KLF16: variants seen among roughly 807,000 people sequenced by gnomAD.
KLF16 encodes KLF transcription factor 16.
Under a neutral mutation model 6.1 loss-of-function variants are expected in KLF16, and 6 were observed. That is an observed-to-expected ratio of 0.98 (90% CI 0.54 to 1.93). The LOEUF (loss-of-function observed/expected upper bound fraction) is 1.93. KLF16 is among the 30% of genes most tolerant of loss of function. KLF16 has a pLI of 0.01. For missense variants in KLF16, 355 were observed against 363.8 expected (o/e 0.98, Z 0.20); for synonymous variants, 211 against 176.5 (o/e 1.20, Z -1.55).
intron 1 of KLF16, among the ~76,000 whole-genome samples, chr19:1,855,509 C>T (rs528669230): frequency 1.3e-5 from 2 of 152,136 alleles, no homozygotes; most frequent in African/African-American, 2.4e-5. Context: ...TGGGCAGGGG[C>T]GGGCCACCAC....
chr19:1,867,717 T>A (rs1049871996), upstream of KLF16, among the ~76,000 whole-genome samples: 4 of 149,942 alleles, frequency 2.7e-5, no homozygotes, highest in Admixed American at 1.3e-4. Flanking sequence ...AGTACAAAAA[T>A]TAGCCAGGTG....
rs1358332640 is a variant in KLF16 at position 1,863,523 on chromosome 19, GGGCGGAGCGGA to G, written c.-37_-27del. 1.3e-5 allele frequency: 13 copies of G among 979,572 alleles called. No individual in the cohort carries two copies. In the South Asian group the frequency reaches 1.8e-4, roughly 13 times the overall value. 60.7% of individuals were successfully genotyped at this position (979,572 alleles called of 1,614,324 possible). On this transcript the variant is annotated 5_prime_UTR_variant, in exon 1 of 2. Coordinates refer to ENST00000250916, the MANE Select transcript of KLF16 (RefSeq NM_031918.4). Reference sequence around the variant, plus strand: ...GCCGAGCAAGGGCGCGCGGCGCGGCGGGCGGAGCGGAGGCGGCGGGAGCGGCGTCCGTCCGG... The same window carrying G: ...GCCGAGCAAGGGCGCGCGGCGCGGCGGGCGGCGGGAGCGGCGTCCGTCCGG...
chr19:1,868,458 G>C (rs2012221600), upstream of KLF16, among the ~76,000 whole-genome samples: 1 of 131,434 alleles, frequency 7.6e-6, no homozygotes, highest in Non-Finnish European at 1.6e-5. Context: ...ACCCAGATTA[G>C]GGCTTTTTTT....
chr19:1,854,275 AGC>A lies in KLF16; in HGVS notation c.*182_*183del. 1 of 610,324 alleles carries A rather than the reference AGC, an allele frequency of 1.6e-6. No individual in the cohort carries two copies. Among genetic ancestry groups the A allele is most frequent in the South Asian group, 3.8e-5 (1 of 26,092 alleles). 37.8% of individuals were successfully genotyped at this position (610,324 alleles called of 1,614,324 possible). A position where few individuals can be genotyped will look rare whatever the true frequency, so the allele number is the denominator to read the frequency against. The stretch of plus-strand genomic sequence containing the variant: ...ACAAGCCCCCGTCACCCATCCTGAG[AGC>A]CACCTCTGAGGTCAGGCAGACCCAG... On this transcript the variant is annotated 3_prime_UTR_variant, in exon 2 of 2. Transcript: ENST00000250916.
In KLF16 at chr19:1,852,413, G is replaced by A. The variant is rs1390088711; in HGVS notation, c.*2046C>T. ...ACACGCTGGAGTAGGGTTTAAAAAG[G>A]GGCTTGTTTAATTAATTAAATACAA... On this transcript the variant is annotated 3_prime_UTR_variant, in exon 2 of 2. Coordinates refer to ENST00000250916, the MANE Select transcript of KLF16 (RefSeq NM_031918.4). 1.3e-5 allele frequency: 2 copies of A among 152,116 alleles called. No homozygotes were observed. The highest frequency in any genetic ancestry group is 1.9e-4 in the East Asian group (1 of 5,190). The allele number at this position is 152,116 out of a possible 1,614,324, so 9.4% of individuals were successfully genotyped here.
upstream of KLF16, among the ~76,000 whole-genome samples, chr19:1,867,741 C>A (rs995462049): frequency 6.6e-6 from 1 of 152,128 alleles, no homozygotes; most frequent in Admixed American, 6.5e-5. Context: ...TGGGGGGCCG[C>A]CTGTAATCCC....
chr19:1,863,045 G>C lies in KLF16; in HGVS notation c.453C>G (p.His151Gln). 7.2e-7 allele frequency: 1 copy of C among 1,395,604 alleles called. No homozygotes were observed. Among genetic ancestry groups the C allele is most frequent in the Non-Finnish European group, 9.5e-7 (1 of 1,055,434 alleles). 86.5% of individuals were successfully genotyped at this position (1,395,604 alleles called of 1,614,324 possible). ...CGGGATCGCGGCTGCACTCACCTGT[G>C]TGCGTCCGCAGGTGCGACTTTAGGT... is the stretch of plus-strand genomic sequence containing the variant. ...SSHLKSHLRT[H>Q]TGERPFACDW... The change falls in exon 1 of 2, where the codon CAC becomes CAG. Residue 151 changes from histidine (H) to glutamine (Q), a missense_variant. Physicochemically the swap from His to Gln is conservative, Grantham distance 24. Transcript: ENST00000250916.
Position 1,854,776 on chromosome 19 carries a change from GAGAC to G in KLF16, c.458-20_458-17del, listed in dbSNP as rs2011913711. On this transcript the variant is annotated splice_polypyrimidine_tract_variant and intron_variant, in intron 1 of 1. Coordinates refer to ENST00000250916, the MANE Select transcript of KLF16 (RefSeq NM_031918.4). ...GGGCGTTCCCCTGGACGGAGAGACA[GAGAC>G]AGACAGCGGGTCAGCGGGGGCGGGG... is the stretch of plus-strand genomic sequence containing the variant. The G allele has an allele frequency of 2.5e-6, 4 of 1,597,020 alleles. No individual in the cohort carries two copies. In the African/African-American group the frequency reaches 5.4e-5, roughly 21 times the overall value.
At chr19:1,864,229 G>C (rs1035450488), upstream of KLF16, among the ~76,000 whole-genome samples, 2 of 151,620 alleles carry the variant, frequency 1.3e-5, no homozygotes, top group African/African-American at 2.4e-5. Flanking sequence ...ACGTGGCCGG[G>C]GTTGGAGGGG....
In KLF16 at chr19:1,863,070, T is replaced by C; in HGVS notation, c.428A>G (p.His143Arg). The C allele has an allele frequency of 7.1e-7, 1 of 1,413,118 alleles. No individual in the cohort carries two copies. The highest frequency in any genetic ancestry group is 9.4e-7 in the Non-Finnish European group (1 of 1,065,290). The allele number at this position is 1,413,118 out of a possible 1,614,324, so 87.5% of individuals were successfully genotyped here. ...GTGCGTCCGCAGGTGCGACTTTAGG[T>C]GCGAGGACTTGTAGTAGGCTTTGGC... ...DCAKAYYKSS[H>R]LKSHLRTHTG... Residue 143 changes from histidine to arginine, a missense_variant, in exon 1 of 2, where the codon CAC (histidine) becomes CGC (arginine). His to Arg is a conservative substitution (Grantham distance 29, BLOSUM62 0). Transcript: ENST00000250916.
At chr19:1,864,208 C>T (rs879668080), upstream of KLF16, among the ~76,000 whole-genome samples, 89 of 151,724 alleles carry the variant, frequency 5.9e-4, no homozygotes, top group Non-Finnish European at 9.1e-4. Flanking sequence ...TGGAGGAGGG[C>T]TCCGATCCCC....
intron 1 of KLF16, chr19:1,862,716 A>AT: frequency 4.0e-5 from 11 of 273,616 alleles, no homozygotes; most frequent in East Asian, 5.4e-5. Context: ...AGAACGCAAA[A>AT]GAAAAAAAAA....
At chr19:1,869,240 G>A in the KLF16 span, among the ~76,000 whole-genome samples, 3 of 152,178 alleles carry the variant, frequency 2.0e-5, no homozygotes, top group Admixed American at 6.5e-5. Flanking sequence ...ACTTCCAGAG[G>A]CCGAGACAGG....
the KLF16 span, among the ~76,000 whole-genome samples, chr19:1,872,634 G>T: frequency 3.9e-5 from 6 of 152,192 alleles, no homozygotes; most frequent in African/African-American, 1.4e-4. Flanking sequence ...CTGGTCTGGC[G>T]GGAGGTGCTC....
At position 1,854,474 on chromosome 19, in the gene KLF16, G is replaced by C; in HGVS notation, c.744C>G (p.Ala248=). 2.8e-6 allele frequency: 4 copies of C among 1,419,720 alleles called. No individual in the cohort carries two copies. Among genetic ancestry groups the C allele is most frequent in the Non-Finnish European group, 2.7e-6 (3 of 1,099,388 alleles). The allele number at this position is 1,419,720 out of a possible 1,614,324, so 87.9% of individuals were successfully genotyped here. A position where few individuals can be genotyped will look rare whatever the true frequency, so the allele number is the denominator to read the frequency against. ...CACGAGGGCCCTACAGGCCTGCGGG[G>C]GCTGGGCTGGGCGCGGGGCTGGGCG... ...SPAPSPAPSP[A]PAGL is the part of the protein sequence containing the mutation. Residue 248 remains alanine (A), a synonymous_variant, in exon 2 of 2, where the codon GCC becomes GCG. Transcript: ENST00000250916.
At chr19:1,869,497 T>A in the KLF16 span, among the ~76,000 whole-genome samples, 1 of 152,106 alleles carries the variant, frequency 6.6e-6, no homozygotes. Flanking sequence ...AAAGAAAATG[T>A]TCTGGTTTTG....
chr19:1,866,568 C>T (rs1016176852), upstream of KLF16, among the ~76,000 whole-genome samples: 3 of 151,302 alleles, frequency 2.0e-5, no homozygotes, highest in African/African-American at 4.9e-5. Flanking sequence ...GAGCCGAGAT[C>T]GTGCCACTGC....
At chr19:1,858,954 C>A (rs2012008010) in intron 1 of KLF16, among the ~76,000 whole-genome samples, 1 of 152,114 alleles carries the variant, frequency 6.6e-6, no homozygotes, top group African/African-American at 2.4e-5. Context: ...GTTATCGCCC[C>A]CCACAACCCT....
At chr19:1,860,071 C>T (rs1221081707) in intron 1 of KLF16, among the ~76,000 whole-genome samples, 1 of 148,246 alleles carries the variant, frequency 6.7e-6, no homozygotes, top group East Asian at 2.0e-4. Flanking sequence ...GTCGGCAAAC[C>T]CTCTGGAGGT....
Sources: gnomAD v4.1 joint callset for allele counts (sites outside exome capture counted in the v4.1 genomes callset) on GRCh38, gnomAD v4.1.1 for gene constraint, MANE v1.5 for transcripts, NCBI Gene and HGNC (gene_info 2026-07-23, HGNC 2026-07-21) for gene names.